The following KIF18A variants were observed in gnomAD, a reference collection of about 807,000 sequenced individuals.
KIF18A encodes the protein kinesin family member 18A.
KIF18A carries 67 observed loss-of-function variants against 103.3 expected under a neutral mutation model. The ratio of observed to expected loss-of-function variants is 0.65; its 90% CI spans 0.53 to 0.79. KIF18A has a LOEUF of 0.79. Among genes scored for constraint, KIF18A ranks in the 30% least tolerant of loss-of-function variants. The pLI is 0.00. For missense variants in KIF18A, 1,032 were observed against 1,062.5 expected (o/e 0.97, Z 0.40); for synonymous variants, 367 against 355.5 (o/e 1.03, Z -0.36).
In KIF18A at chr11:28,081,554, A is replaced by C. The variant is rs189005348; in HGVS notation, c.1262+1302T>G. Among the ~76,000 whole-genome samples, 35 of 152,254 alleles carry C rather than the reference A, an allele frequency of 2.3e-4. 1 individual carries two copies. The highest frequency in any genetic ancestry group is 2.0e-3 in the Admixed American group (30 of 15,268). ...AATTTTAAGCCCACTGTTAAGACCT[A>C]TTGCTCAGAAAAAAAGATTCCTTTC... is the stretch of plus-strand genomic sequence containing the variant. On this transcript the variant is annotated intron_variant, in intron 9 of 16. Coordinates refer to ENST00000263181, the MANE Select transcript of KIF18A (RefSeq NM_031217.4).
chr11:28,085,301 C>T (rs1017863399), intron 6 of KIF18A, among the ~76,000 whole-genome samples: 1 of 152,068 alleles, frequency 6.6e-6, no homozygotes, highest in Non-Finnish European at 1.5e-5. Context: ...ACACTCTGCT[C>T]CACCAGCTTC....
rs142021906 is a variant in KIF18A at position 28,059,218 on chromosome 11, T to A, written c.1713-57A>T. ...TAAATATGACATTTTAAACACATTA[T>A]TTTAGTTCTTTTATGTAACACCCAA... On this transcript the variant is annotated intron_variant, in intron 12 of 16. Coordinates refer to ENST00000263181, the MANE Select transcript of KIF18A (RefSeq NM_031217.4). 7.6e-5 allele frequency: 91 copies of A among 1,191,454 alleles called. No individual in the cohort carries two copies. The African/African-American group carries it at 1.2e-3, about 15-fold the overall frequency. The allele number at this position is 1,191,454 out of a possible 1,614,324, so 73.8% of individuals were successfully genotyped here.
At chr11:28,049,521 C>T (rs1016175449) in intron 13 of KIF18A, among the ~76,000 whole-genome samples, 1 of 151,952 alleles carries the variant, frequency 6.6e-6, no homozygotes, top group Non-Finnish European at 1.5e-5. Flanking sequence ...ATTTAGCAAA[C>T]ATGAGTCATA....
chr11:28,022,229 T>TA (rs1168536393), intron 16 of KIF18A, among the ~76,000 whole-genome samples: 2 of 152,036 alleles, frequency 1.3e-5, no homozygotes, highest in Non-Finnish European at 2.9e-5. Context: ...TATCTTCAGA[T>TA]AATAAGCATA....
At chr11:28,070,815 A>G (rs1385177531) in intron 10 of KIF18A, among the ~76,000 whole-genome samples, 1 of 152,212 alleles carries the variant, frequency 6.6e-6, no homozygotes, top group East Asian at 1.9e-4. Context: ...CTGAGGCAGG[A>G]GGACTGCTTG....
intron 11 of KIF18A, among the ~76,000 whole-genome samples, chr11:28,064,954 C>A (rs570511624): frequency 6.6e-6 from 1 of 152,110 alleles, no homozygotes. Context: ...AGGGAGAAGG[C>A]AGTGAAGAAC....
intron 16 of KIF18A, 66 bp downstream of exon 16, chr11:28,023,675 C>T (rs1210896337): frequency 1.2e-5 from 9 of 758,384 alleles, no homozygotes; most frequent in African/African-American, 5.3e-5. Context: ...CAATAAAAAA[C>T]GTAAAGTACT....
chr11:28,103,754 C>T (rs1427894533), intron 1 of KIF18A, among the ~76,000 whole-genome samples: 2 of 152,000 alleles, frequency 1.3e-5, no homozygotes, highest in Non-Finnish European at 2.9e-5. Flanking sequence ...AAATGTATAT[C>T]TCCAAGAGAA....
chr11:28,044,618 G>C (rs963150460), intron 13 of KIF18A, among the ~76,000 whole-genome samples: 5 of 152,066 alleles, frequency 3.3e-5, no homozygotes, highest in African/African-American at 1.2e-4. Context: ...TTTGTTTACT[G>C]TAAGTCCAAA....
intron 2 of KIF18A, 114 bp from the exon 3 acceptor site, chr11:28,094,914 C>G: frequency 2.0e-6 from 2 of 993,364 alleles, no homozygotes; most frequent in South Asian, 1.4e-5. Context: ...TTAAACCCTA[C>G]AAATCCAAAA....
chr11:28,054,663 T>C (rs1164327824), intron 13 of KIF18A, among the ~76,000 whole-genome samples: 4 of 152,186 alleles, frequency 2.6e-5, no homozygotes, highest in African/African-American at 7.2e-5. Context: ...GTATACAACA[T>C]ACATAATTCA....
chr11:28,063,753 G>T (rs1381743149), intron 11 of KIF18A, among the ~76,000 whole-genome samples: 1 of 151,912 alleles, frequency 6.6e-6, no homozygotes, highest in African/African-American at 2.4e-5. Flanking sequence ...ATATGCAGGG[G>T]AGCTATGCCT....
At chr11:28,030,584 G>T (rs889735485) in intron 15 of KIF18A, among the ~76,000 whole-genome samples, 2 of 152,146 alleles carry the variant, frequency 1.3e-5, no homozygotes, top group African/African-American at 2.4e-5. Context: ...AACCCCAGAA[G>T]AAAACCTAGG....
At chr11:28,091,711 C>T (rs569823251) in intron 3 of KIF18A, among the ~76,000 whole-genome samples, 198 bp from the exon 4 acceptor site, 2 of 152,298 alleles carry the variant, frequency 1.3e-5, no homozygotes, top group East Asian at 3.9e-4. Flanking sequence ...GTTTGATTAC[C>T]TAGGTTTGAA....
intron 16 of KIF18A, among the ~76,000 whole-genome samples, chr11:28,022,337 T>A (rs1850257607): frequency 6.6e-6 from 1 of 151,808 alleles, no homozygotes; most frequent in Non-Finnish European, 1.5e-5. Flanking sequence ...CGATCTCGGC[T>A]CACTGCAAGC....
At chr11:28,066,345 G>A (rs911644875) in intron 11 of KIF18A, among the ~76,000 whole-genome samples, 2 of 151,874 alleles carry the variant, frequency 1.3e-5, no homozygotes, top group African/African-American at 4.8e-5. Context: ...TGTTTTCTTT[G>A]AAGTGATTTT....
intron 3 of KIF18A, among the ~76,000 whole-genome samples, chr11:28,092,952 T>C (rs1180695807): frequency 6.6e-6 from 1 of 152,198 alleles, no homozygotes; most frequent in Non-Finnish European, 1.5e-5. Context: ...GGTCTATGTA[T>C]GACACTCACC....
intron 11 of KIF18A, among the ~76,000 whole-genome samples, chr11:28,065,855 T>C (rs935607097): frequency 5.9e-5 from 9 of 152,082 alleles, no homozygotes; most frequent in African/African-American, 2.2e-4. Flanking sequence ...GAAAATACTC[T>C]AGCAATATCA....
At chr11:28,058,381 A>G (rs2133524925) in intron 13 of KIF18A, among the ~76,000 whole-genome samples, 1 of 151,470 alleles carries the variant, frequency 6.6e-6, no homozygotes, top group South Asian at 2.1e-4. Context: ...GGTTAGGCAC[A>G]GCAGCTCATG....
Sources: allele counts gnomAD v4.1 joint callset (sites outside exome capture counted in the v4.1 genomes callset), GRCh38; gene constraint gnomAD v4.1.1; transcripts MANE v1.5; gene names NCBI Gene and HGNC (gene_info 2026-07-23, HGNC 2026-07-21).